The following SHROOM3 variants were observed in gnomAD, a reference collection of about 807,000 sequenced individuals.
The protein encoded by SHROOM3 is shroom family member 3.
In SHROOM3, 47 loss-of-function variants were observed where a neutral mutation model predicts 138.6. The observed-to-expected ratio is 0.34, with a 90% CI of 0.27 to 0.43. SHROOM3 has a LOEUF of 0.43. Among genes scored for constraint, SHROOM3 ranks in the 20% least tolerant of loss-of-function variants. The pLI is 1.00. For missense variants in SHROOM3, 2,491 were observed against 2,596.5 expected (o/e 0.96, Z 0.88); for synonymous variants, 1,062 against 1,063.3 (o/e 1.00, Z 0.02).
chr4:76,516,563 G>T (rs556291801), intron 1 of SHROOM3, among the ~76,000 whole-genome samples: 4 of 151,602 alleles, frequency 2.6e-5, no homozygotes, highest in African/African-American at 7.3e-5. Flanking sequence ...ACAGCACTTT[G>T]CTCATAATAT....
At chr4:76,512,730 C>A (rs1560529687) in intron 1 of SHROOM3, among the ~76,000 whole-genome samples, 1 of 152,146 alleles carries the variant, frequency 6.6e-6, no homozygotes, top group East Asian at 1.9e-4. Context: ...AGCGTGGAAT[C>A]ATACATTTCT....
chr4:76,454,594 A>T (rs1730989812), intron 1 of SHROOM3, among the ~76,000 whole-genome samples: 1 of 152,206 alleles, frequency 6.6e-6, no homozygotes, highest in Non-Finnish European at 1.5e-5. Context: ...TGAAACAAGG[A>T]AGTGTGAAAC....
At chr4:76,669,784 T>C (rs957991289) in intron 2 of SHROOM3, among the ~76,000 whole-genome samples, 1 of 152,184 alleles carries the variant, frequency 6.6e-6, no homozygotes, top group African/African-American at 2.4e-5. Context: ...TCACAGAGAA[T>C]TGCTTTTATT....
chr4:76,462,552 G>A (rs1262285023), intron 1 of SHROOM3, among the ~76,000 whole-genome samples: 1 of 152,164 alleles, frequency 6.6e-6, no homozygotes, highest in African/African-American at 2.4e-5. Flanking sequence ...TTGGGGGAGG[G>A]ACTGGTTATG....
chr4:76,746,799 T>C (rs936233902), intron 5 of SHROOM3, among the ~76,000 whole-genome samples: 1 of 135,742 alleles, frequency 7.4e-6, no homozygotes, highest in Admixed American at 7.1e-5. Flanking sequence ...TTATTATTAT[T>C]ATTATTATTA....
chr4:76,462,569 T>C (rs1560513542), intron 1 of SHROOM3, among the ~76,000 whole-genome samples: 1 of 152,160 alleles, frequency 6.6e-6, no homozygotes, highest in Non-Finnish European at 1.5e-5. Flanking sequence ...TATGGGTGAC[T>C]GGATTATGGG....
chr4:76,661,630 A>G (rs1736189926), intron 2 of SHROOM3, among the ~76,000 whole-genome samples: 1 of 152,122 alleles, frequency 6.6e-6, no homozygotes, highest in Admixed American at 6.5e-5. Context: ...TTATTTCACC[A>G]TAGATTAGTT....
At chr4:76,688,665 C>T (rs1416357474) in intron 2 of SHROOM3, 43 of 985,276 alleles carry the variant, frequency 4.4e-5, no homozygotes, top group Non-Finnish European at 4.8e-5. Context: ...AGCACCATCC[C>T]TTCCTTTAGA....
intron 1 of SHROOM3, among the ~76,000 whole-genome samples, chr4:76,536,091 G>C (rs1409144294): frequency 6.6e-6 from 1 of 152,138 alleles, no homozygotes; most frequent in South Asian, 2.1e-4. Context: ...CAAAATATTT[G>C]GGCCACCCAG....
intron 1 of SHROOM3, among the ~76,000 whole-genome samples, chr4:76,493,639 C>G (rs1731901594): frequency 6.6e-6 from 1 of 152,188 alleles, no homozygotes; most frequent in East Asian, 1.9e-4. Context: ...TCTTAAGTAT[C>G]TCCTCTACCC....
chr4:76,635,857 G>C (rs72661469), intron 2 of SHROOM3, among the ~76,000 whole-genome samples: 13,583 of 152,256 alleles, frequency 0.089, 621 homozygotes, highest in East Asian at 0.14. Flanking sequence ...GAAACTGCTG[G>C]CATTTGGTTT....
At chr4:76,452,021 T>G (rs933171339) in intron 1 of SHROOM3, among the ~76,000 whole-genome samples, 4 of 151,912 alleles carry the variant, frequency 2.6e-5, no homozygotes, top group African/African-American at 9.7e-5. Context: ...TTTAAATCAG[T>G]GAGGGCAAAA....
intron 2 of SHROOM3, among the ~76,000 whole-genome samples, chr4:76,624,636 A>T (rs1250695062): frequency 2.0e-5 from 3 of 152,166 alleles, no homozygotes; most frequent in Non-Finnish European, 4.4e-5. Flanking sequence ...AAGAGTGGTT[A>T]TCGTGGTGTT....
intron 2 of SHROOM3, among the ~76,000 whole-genome samples, chr4:76,693,283 A>G (rs11735293): frequency 0.073 from 11,044 of 151,818 alleles, 522 homozygotes; most frequent in Non-Finnish European, 0.11. Flanking sequence ...CTTTTGTGAA[A>G]GCCATATCAT....
intron 2 of SHROOM3, among the ~76,000 whole-genome samples, chr4:76,611,233 T>G (rs1734754725): frequency 6.6e-6 from 1 of 151,568 alleles, no homozygotes; most frequent in South Asian, 2.1e-4. Flanking sequence ...CCAGTTGACT[T>G]TGTGCGCCCT....
At chr4:76,626,299 CT>C (rs2110069441) in intron 2 of SHROOM3, among the ~76,000 whole-genome samples, 1 of 152,244 alleles carries the variant, frequency 6.6e-6, no homozygotes, top group South Asian at 2.1e-4. Context: ...TGCCTCCAGT[CT>C]GCTACATTAA....
chr4:76,486,485 C>T (rs564480293), intron 1 of SHROOM3, among the ~76,000 whole-genome samples: 2 of 152,296 alleles, frequency 1.3e-5, no homozygotes, highest in South Asian at 2.1e-4. Context: ...TGTAGCCTGG[C>T]TGACCAACTG....
intron 3 of SHROOM3, among the ~76,000 whole-genome samples, chr4:76,726,132 T>A (rs344129): frequency 0.53 from 80,948 of 151,780 alleles, 22,333 homozygotes; most frequent in Middle Eastern, 0.63. Context: ...TCTACCCTCA[T>A]CACACTAACC....
chr4:76,601,604 A>G (rs1287602751), intron 2 of SHROOM3, among the ~76,000 whole-genome samples: 1 of 152,150 alleles, frequency 6.6e-6, no homozygotes, highest in Non-Finnish European at 1.5e-5. Flanking sequence ...TCCCAGGTTC[A>G]AGCGATTCTC....
Sources: gnomAD v4.1 joint callset for allele counts (sites outside exome capture counted in the v4.1 genomes callset) on GRCh38, gnomAD v4.1.1 for gene constraint, MANE v1.5 for transcripts, NCBI Gene and HGNC (gene_info 2026-07-23, HGNC 2026-07-21) for gene names.